Variants in PTPRD observed in about 807,000 individuals in gnomAD.
PTPRD encodes receptor-type tyrosine-protein phosphatase delta.
A neutral mutation model predicts 214.5 loss-of-function variants in PTPRD; 34 were observed. The observed-to-expected ratio is 0.16, with a 90% CI of 0.12 to 0.21. PTPRD has a LOEUF of 0.21. Ranked by LOEUF, PTPRD falls within the 10% of genes least tolerant of loss-of-function variation. PTPRD has a pLI of 1.00. For missense variants in PTPRD, 2,545 were observed against 2,398.7 expected (o/e 1.06, Z -1.27); for synonymous variants, 1,128 against 845.7 (o/e 1.33, Z -5.79).
chr9:10,433,397 T>A (rs1298647862), intron 2 of PTPRD, among the ~76,000 whole-genome samples: 1 of 151,948 alleles, frequency 6.6e-6, no homozygotes, highest in East Asian at 1.9e-4. Context: ...CACCTACTAG[T>A]TTCAGGACAT....
chr9:8,659,672 G>T lies in PTPRD; in HGVS notation c.65-22828C>A, dbSNP rs146406931. On this transcript the variant is annotated intron_variant, in intron 12 of 45. Coordinates refer to ENST00000381196, the MANE Select transcript of PTPRD (RefSeq NM_002839.4). Reference sequence around the variant, plus strand: ...CAGAAGTAATTGATTGGGGCAAATAGAAAAGGAAGGAAATCCTTAAAGCAA... The same window carrying T: ...CAGAAGTAATTGATTGGGGCAAATATAAAAGGAAGGAAATCCTTAAAGCAA... 3.0e-3 allele frequency among the ~76,000 whole-genome samples: 457 copies of T among 152,260 alleles called. 9 individuals carry two copies. The highest frequency in any genetic ancestry group is 0.011 in the African/African-American group (438 of 41,574).
chr9:10,430,645 T>C lies in PTPRD; in HGVS notation c.-599-89628A>G, dbSNP rs564903090. ...ACAACAACAAATACCTCCGTCAGAA[T>C]AATAATGCAAATTAATTATGCCTGA... is the stretch of plus-strand genomic sequence containing the variant. On this transcript the variant is annotated intron_variant, in intron 2 of 45. Transcript: ENST00000381196. Among the ~76,000 whole-genome samples, 4 of 152,046 alleles carry C rather than the reference T, an allele frequency of 2.6e-5. No individual in the cohort carries two copies. In the East Asian group the frequency reaches 7.8e-4, roughly 30 times the overall value.
At chr9:10,243,218 T>A (rs953200979) in intron 3 of PTPRD, among the ~76,000 whole-genome samples, 9 of 152,012 alleles carry the variant, frequency 5.9e-5, no homozygotes, top group Non-Finnish European at 1.2e-4. Flanking sequence ...GCTTTGAGAC[T>A]AAATTTCCTT....
chr9:8,638,647 C>T (rs1342984226), intron 12 of PTPRD, among the ~76,000 whole-genome samples: 1 of 152,070 alleles, frequency 6.6e-6, no homozygotes, highest in Admixed American at 6.5e-5. Context: ...TGAATTACCA[C>T]CTCATCAGCA....
intron 5 of PTPRD, among the ~76,000 whole-genome samples, chr9:9,775,565 G>C (rs898244566): frequency 6.6e-6 from 1 of 152,270 alleles, no homozygotes; most frequent in East Asian, 1.9e-4. Context: ...AGCATTCAGA[G>C]GCTAGAATTC....
chr9:8,430,437 AT>A (rs4008183), intron 35 of PTPRD, among the ~76,000 whole-genome samples: 82 of 142,072 alleles, frequency 5.8e-4, no homozygotes, highest in Middle Eastern at 7.1e-3. Context: ...CGACAGGCTA[AT>A]TTTTTTTTTT....
chr9:9,427,097 G>C (rs1464194344), intron 8 of PTPRD, among the ~76,000 whole-genome samples: 1 of 151,812 alleles, frequency 6.6e-6, no homozygotes, highest in African/African-American at 2.4e-5. Flanking sequence ...CAGACGATCG[G>C]TAATAACAAA....
intron 4 of PTPRD, among the ~76,000 whole-genome samples, chr9:9,939,052 A>T (rs566337770): frequency 1.3e-5 from 2 of 151,998 alleles, no homozygotes; most frequent in African/African-American, 4.8e-5. Context: ...TCTCAGTAGG[A>T]AACAGAATGT....
Position 8,485,788 on chromosome 9 carries a change from T to G in PTPRD, c.3029A>C (p.Gln1010Pro). ...TTGATCCACAGGCAGTGTCCTGAAC[T>G]GGACACTGGGACTATATGGCCCGGG... ...KGPGPYSPSV[Q>P]FRTLPVDQVF... Residue 1010 changes from glutamine to proline, a missense_variant, in exon 28 of 46, where the codon CAG (glutamine) becomes CCG (proline). Coordinates refer to ENST00000381196, the MANE Select transcript of PTPRD (RefSeq NM_002839.4). 1 of 1,613,412 alleles carries G rather than the reference T, an allele frequency of 6.2e-7. No homozygotes were observed. The highest frequency in any genetic ancestry group is 2.2e-5 in the East Asian group (1 of 44,872).
intron 3 of PTPRD, among the ~76,000 whole-genome samples, chr9:10,312,436 A>C (rs533139507): frequency 1.4e-4 from 22 of 152,160 alleles, no homozygotes; most frequent in African/African-American, 5.3e-4. Flanking sequence ...TAGAATATAT[A>C]GACGCCTTTT....
intron 9 of PTPRD, among the ~76,000 whole-genome samples, chr9:9,278,207 G>C (rs993464350): frequency 1.3e-5 from 2 of 151,168 alleles, no homozygotes; most frequent in Non-Finnish European, 3.0e-5. Flanking sequence ...TAAATTATTT[G>C]TTTAACCGGT....
chr9:10,085,326 C>T (rs546105998), intron 3 of PTPRD, among the ~76,000 whole-genome samples: 36 of 151,898 alleles, frequency 2.4e-4, no homozygotes, highest in African/African-American at 8.4e-4. Flanking sequence ...TTAACATTGA[C>T]ATCATGGTGA....
chr9:10,540,193 C>A (rs1445268399), intron 2 of PTPRD, among the ~76,000 whole-genome samples: 2 of 152,052 alleles, frequency 1.3e-5, no homozygotes, highest in African/African-American at 2.4e-5. Context: ...CTATGCCCGG[C>A]TAATTTGTGT....
rs114273752 is a variant in PTPRD at position 10,204,611 on chromosome 9, G to A, written c.-545+136352C>T. On this transcript the variant is annotated intron_variant, in intron 3 of 45. Transcript: ENST00000381196. ...ATAAATTTAGACTCAATTTTTTCAA[G>A]CTTAGTAATGTGTATAACTATGACA... Among the ~76,000 whole-genome samples the A allele has an allele frequency of 7.4e-3, 1,125 of 152,138 alleles. 12 individuals are homozygous for A. The highest frequency in any genetic ancestry group is 0.025 in the African/African-American group (1,044 of 41,498).
chr9:9,864,170 G>A (rs1478260482), intron 5 of PTPRD, among the ~76,000 whole-genome samples: 1 of 152,144 alleles, frequency 6.6e-6, no homozygotes, highest in Admixed American at 6.5e-5. Context: ...GCTGGGTGTG[G>A]TGGCGGGTGC....
chr9:10,394,167 T>C (rs2098126401), intron 2 of PTPRD, among the ~76,000 whole-genome samples: 1 of 141,180 alleles, frequency 7.1e-6, no homozygotes, highest in South Asian at 2.1e-4. Flanking sequence ...TAGATATATA[T>C]ACATATATAT....
chr9:10,038,417 C>T (rs2097228846), intron 3 of PTPRD, among the ~76,000 whole-genome samples: 1 of 152,054 alleles, frequency 6.6e-6, no homozygotes, highest in African/African-American at 2.4e-5. Flanking sequence ...ATCCAATTAC[C>T]TTTATTCTAT....
intron 14 of PTPRD, among the ~76,000 whole-genome samples, chr9:8,631,086 A>C (rs1391198013): frequency 1.3e-5 from 2 of 151,916 alleles, no homozygotes; most frequent in Non-Finnish European, 2.9e-5. Context: ...TTTGGCTTCA[A>C]ATATGAACAC....
chr9:8,574,947 A>C (rs1285720673), intron 14 of PTPRD, among the ~76,000 whole-genome samples: 1 of 152,112 alleles, frequency 6.6e-6, no homozygotes, highest in African/African-American at 2.4e-5. Context: ...AATCAATATC[A>C]TATAAATAAA....
Sources: allele counts gnomAD v4.1 joint callset (sites outside exome capture counted in the v4.1 genomes callset), GRCh38; gene constraint gnomAD v4.1.1; transcripts MANE v1.5; gene names NCBI Gene and HGNC (gene_info 2026-07-23, HGNC 2026-07-21).